Variants in PCDHGA9 observed in about 807,000 individuals in gnomAD.
PCDHGA9 encodes protocadherin gamma subfamily A, 9.
PCDHGA9 carries 37 observed loss-of-function variants against 62.5 expected under a neutral mutation model. The observed-to-expected ratio is 0.59, with a 90% CI of 0.46 to 0.78. The LOEUF (loss-of-function observed/expected upper bound fraction) is 0.78, where lower values mean the gene tolerates loss of function less well. PCDHGA9 is among the 30% of genes least tolerant of loss of function. The pLI is 0.00. For synonymous variants in PCDHGA9, 459 were observed against 484.6 expected (o/e 0.95, Z 0.69); for missense variants, 1,138 against 1,166.2 (o/e 0.98, Z 0.35).
At chr5:141,444,380 A>G (rs1475986922) in intron 1 of PCDHGA9, among the ~76,000 whole-genome samples, 1 of 151,876 alleles carries the variant, frequency 6.6e-6, no homozygotes, top group Non-Finnish European at 1.5e-5. Context: ...CATGTTGGTC[A>G]GGCTAGTCTT....
At chr5:141,423,761 TG>T in intron 1 of PCDHGA9, 1 of 156,420 alleles carries the variant, frequency 6.4e-6, no homozygotes, top group Non-Finnish European at 9.2e-6. Context: ...GGGGGGGGGG[TG>T]GGGCGGCATA....
chr5:141,472,602 T>A (rs1032061805), intron 1 of PCDHGA9, among the ~76,000 whole-genome samples: 1 of 152,026 alleles, frequency 6.6e-6, no homozygotes, highest in South Asian at 2.1e-4. Context: ...CTTGAAATTA[T>A]AAAACAAAGA....
rs2099642802 is a variant in PCDHGA9, at chr5:141,487,311, CTAAG to C, written c.2425-7494_2425-7491del. The C allele has an allele frequency of 1.2e-6, 2 of 1,614,058 alleles. No individual in the cohort carries two copies. On this transcript the variant is annotated intron_variant, in intron 1 of 3. Coordinates refer to ENST00000573521, the MANE Select transcript of PCDHGA9 (RefSeq NM_018921.3). This position sits in a 1 kb window ranked among gnomAD's most constrained non-coding sequence, Gnocchi z 5.0. ...TTTGGCTCATTCGTGGCACTACTCTCTAAGTGTCTTCGTGGGGCAGCCTGTGGAG... is the reference window on the plus strand; with the variant it reads ...TTTGGCTCATTCGTGGCACTACTCTCTGTCTTCGTGGGGCAGCCTGTGGAG...
At chr5:141,423,091 G>C (rs1243671863) in intron 1 of PCDHGA9, 11 of 1,613,908 alleles carry the variant, frequency 6.8e-6, no homozygotes, top group South Asian at 2.2e-5. Context: ...CGCGGTGGGG[G>C]AGCACACGGG....
At chr5:141,416,698 A>G (rs2096053724) in intron 1 of PCDHGA9, 1 of 152,250 alleles carries the variant, frequency 6.6e-6, no homozygotes, top group Non-Finnish European at 1.5e-5. Context: ...TAAACAAAGG[A>G]TCATTGGAGG....
chr5:141,487,771 T>C lies in PCDHGA9; in HGVS notation c.2425-7036T>C. The C allele has an allele frequency of 1.3e-6, 2 of 1,537,446 alleles. No homozygotes were observed. Among genetic ancestry groups the C allele is most frequent in the South Asian group, 2.4e-5 (2 of 82,456 alleles). ...ACTATGTGGTAGACGCTGTGCTTTGTAACTGTTTCGTGAATTAACCAGAGT... is the reference window on the plus strand; with the variant it reads ...ACTATGTGGTAGACGCTGTGCTTTGCAACTGTTTCGTGAATTAACCAGAGT... On this transcript the variant is annotated intron_variant, in intron 1 of 3. Coordinates refer to ENST00000573521, the MANE Select transcript of PCDHGA9 (RefSeq NM_018921.3). This position sits in a 1 kb window ranked among gnomAD's most constrained non-coding sequence, Gnocchi z 5.0.
In PCDHGA9 at chr5:141,511,281, G is replaced by A; in HGVS notation, c.*108G>A. The A allele has an allele frequency of 2.0e-6, 3 of 1,531,280 alleles. No homozygotes were observed. Among genetic ancestry groups the A allele is most frequent in the Non-Finnish European group, 2.6e-6 (3 of 1,137,132 alleles). 94.9% of individuals were successfully genotyped at this position (1,531,280 alleles called of 1,614,324 possible). ...TTCAGGGCTAACCCCCAGAATACTG[G>A]TAGGGGCCAAGGCCATGCTCCCCTT... On this transcript the variant is annotated 3_prime_UTR_variant, in exon 4 of 4. Transcript: ENST00000573521.
Position 141,512,270 on chromosome 5 carries a change from G to C in PCDHGA9, c.*1097G>C, listed in dbSNP as rs1188941232. On this transcript the variant is annotated 3_prime_UTR_variant, in exon 4 of 4. Transcript: ENST00000573521. ...TCTGTGGGTGCTGGGTACTCCAGAG[G>C]TGCCACTGGTGGAAGGGTCAGCGGA... 6.5e-6 allele frequency: 1 copy of C among 152,714 alleles called. No homozygotes were observed. The highest frequency in any genetic ancestry group is 2.4e-5 in the African/African-American group (1 of 41,452). The allele number at this position is 152,714 out of a possible 1,614,324, so 9.5% of individuals were successfully genotyped here. A position where few individuals can be genotyped will look rare whatever the true frequency, so the allele number is the denominator to read the frequency against.
chr5:141,478,293 T>C (rs2099444312), intron 1 of PCDHGA9: 2 of 1,614,026 alleles, frequency 1.2e-6, no homozygotes. Context: ...TCTAGAGACC[T>C]ATACCGAGCC....
At chr5:141,414,048 G>A in intron 1 of PCDHGA9, 1 of 1,610,508 alleles carries the variant, frequency 6.2e-7, no homozygotes, top group Non-Finnish European at 8.5e-7. Flanking sequence ...TACCTGACAC[G>A]CAATTGTTGA....
At chr5:141,419,757 G>A (rs1468216226) in intron 1 of PCDHGA9, 5 of 1,613,876 alleles carry the variant, frequency 3.1e-6, no homozygotes, top group African/African-American at 1.3e-5. Flanking sequence ...CGTGCTTTGG[G>A]TGACAAGGAC....
At chr5:141,426,825 A>G (rs747894160) in intron 1 of PCDHGA9, 26 of 456,582 alleles carry the variant, frequency 5.7e-5, no homozygotes, top group Non-Finnish European at 9.3e-5. Context: ...CTCTCTGATG[A>G]TGGACAAGAC....
chr5:141,414,437 C>T (rs1422750138), intron 1 of PCDHGA9: 1 of 1,613,856 alleles, frequency 6.2e-7, no homozygotes, highest in Non-Finnish European at 8.5e-7. Flanking sequence ...CAGGTATCCT[C>T]TTACAATATC....
chr5:141,409,442 C>T, intron 1 of PCDHGA9: 2 of 1,613,998 alleles, frequency 1.2e-6, no homozygotes, highest in Non-Finnish European at 1.7e-6. Flanking sequence ...GGACCGAGAG[C>T]AGACACCAGA....
rs148558897 is a variant in PCDHGA9, at chr5:141,489,890, G to A, written c.2425-4917G>A. On this transcript the variant is annotated intron_variant, in intron 1 of 3. Coordinates refer to ENST00000573521, the MANE Select transcript of PCDHGA9 (RefSeq NM_018921.3). The surrounding 1 kb of genome is among the most constrained non-coding windows in gnomAD (Gnocchi z 4.5). Reference sequence around the variant, plus strand: ...CAGCTGGTGCTTACTGCTGTGGATGGGGGGACCCCAGCCCGCTCAGGGACC... The same window carrying A: ...CAGCTGGTGCTTACTGCTGTGGATGAGGGGACCCCAGCCCGCTCAGGGACC... 6.2e-7 allele frequency: 1 copy of A among 1,614,198 alleles called. No homozygotes were observed. The highest frequency in any genetic ancestry group is 8.5e-7 in the Non-Finnish European group (1 of 1,180,028).
intron 1 of PCDHGA9, among the ~76,000 whole-genome samples, chr5:141,444,838 T>G (rs2098448876): frequency 6.6e-6 from 1 of 152,214 alleles, no homozygotes; most frequent in African/African-American, 2.4e-5. Context: ...AGCTTTATAG[T>G]AAGTCTTGCT....
At position 141,491,583 on chromosome 5, in the gene PCDHGA9, C is replaced by T; in HGVS notation, c.2425-3224C>T. On this transcript the variant is annotated intron_variant, in intron 1 of 3. Transcript: ENST00000573521. The surrounding 1 kb of genome is among the most constrained non-coding windows in gnomAD (Gnocchi z 6.9). ...GCTACAGGACGTGCTTTTCACCGGC[C>T]TCGGACGGCAGTGACTTCACTTTTC... 1 of 1,613,964 alleles carries T rather than the reference C, an allele frequency of 6.2e-7. No individual in the cohort carries two copies. Among genetic ancestry groups the T allele is most frequent in the African/African-American group, 1.3e-5 (1 of 75,032 alleles).
Position 141,402,829 on chromosome 5 carries a change from T to G in PCDHGA9, c.-124T>G, listed in dbSNP as rs921784924. On this transcript the variant is annotated 5_prime_UTR_variant, in exon 1 of 4. Transcript: ENST00000573521. ...AGATACCACAAACCTGCTCCCAGGC[T>G]GCAGCAAAACTCAGCCTCTTTCTTC... 3.0e-6 allele frequency: 4 copies of G among 1,341,920 alleles called. No homozygotes were observed. The highest frequency in any genetic ancestry group is 5.9e-5 in the Admixed American group (2 of 33,878). 83.1% of individuals were successfully genotyped at this position (1,341,920 alleles called of 1,614,324 possible). A position where few individuals can be genotyped will look rare whatever the true frequency, so the allele number is the denominator to read the frequency against.
chr5:141,467,811 A>T (rs562932160), intron 1 of PCDHGA9, among the ~76,000 whole-genome samples: 1 of 152,164 alleles, frequency 6.6e-6, no homozygotes, highest in African/African-American at 2.4e-5. Flanking sequence ...GGCACATGCC[A>T]CCACACCAGG....
Sources: allele counts gnomAD v4.1 joint callset (sites outside exome capture counted in the v4.1 genomes callset), GRCh38; gene constraint gnomAD v4.1.1; non-coding constraint Gnocchi (gnomAD v3.1); transcripts MANE v1.5; gene names NCBI Gene and HGNC (gene_info 2026-07-23, HGNC 2026-07-21).